The following BCKDHB variants were observed in gnomAD, a reference collection of about 807,000 sequenced individuals.
The protein encoded by BCKDHB is branched chain keto acid dehydrogenase E1 subunit beta.
Under a neutral mutation model 48.5 loss-of-function variants are expected in BCKDHB, and 41 were observed. The ratio of observed to expected loss-of-function variants is 0.85; its 90% CI spans 0.66 to 1.10. The LOEUF (loss-of-function observed/expected upper bound fraction) is 1.10, where lower values mean the gene tolerates loss of function less well. BCKDHB is among the 50% of genes least tolerant of loss of function. The pLI, the probability that BCKDHB is intolerant of heterozygous loss-of-function variation, is 0.00. For missense variants in BCKDHB, 496 were observed against 494.2 expected (o/e 1.00, Z -0.03); for synonymous variants, 201 against 174.8 (o/e 1.15, Z -1.18).
At chr6:80,152,569 A>C (rs1582242849) in intron 3 of BCKDHB, among the ~76,000 whole-genome samples, 1 of 152,200 alleles carries the variant, frequency 6.6e-6, no homozygotes, top group African/African-American at 2.4e-5. Context: ...CATTTGTTTC[A>C]TTCATGACAG....
chr6:80,299,367 T>C (rs1767431826), intron 9 of BCKDHB, among the ~76,000 whole-genome samples: 1 of 152,106 alleles, frequency 6.6e-6, no homozygotes, highest in Admixed American at 6.5e-5. Context: ...CAGAAAGATG[T>C]TACCAGACGC....
At chr6:80,381,571 C>T in the BCKDHB span, among the ~76,000 whole-genome samples, 9 of 152,040 alleles carry the variant, frequency 5.9e-5, no homozygotes, top group African/African-American at 2.2e-4. Context: ...AAATGTTTTC[C>T]TTTATCTGCA....
chr6:80,259,207 C>G (rs933286063), intron 8 of BCKDHB, among the ~76,000 whole-genome samples: 1 of 152,152 alleles, frequency 6.6e-6, no homozygotes, highest in African/African-American at 2.4e-5. Context: ...TCTTGAATGC[C>G]TTTCTTCAGC....
At chr6:80,412,269 G>A in the BCKDHB span, among the ~76,000 whole-genome samples, 21 of 150,372 alleles carry the variant, frequency 1.4e-4, no homozygotes, top group South Asian at 3.1e-3. Flanking sequence ...TCAGCCTCTT[G>A]AGTAGCTGGG....
chr6:80,130,819 A>G (rs956500409), intron 3 of BCKDHB, among the ~76,000 whole-genome samples: 4 of 152,210 alleles, frequency 2.6e-5, no homozygotes, highest in African/African-American at 9.6e-5. Flanking sequence ...ATATTAACTA[A>G]TATTTCAAAC....
At chr6:80,123,626 T>C (rs915958341) in intron 1 of BCKDHB, among the ~76,000 whole-genome samples, 10 of 152,132 alleles carry the variant, frequency 6.6e-5, no homozygotes, top group Non-Finnish European at 1.3e-4. Context: ...CTTGGGAGGG[T>C]GTATGTGTCC....
intron 8 of BCKDHB, among the ~76,000 whole-genome samples, chr6:80,221,429 A>T (rs1775447842): frequency 6.6e-6 from 1 of 152,242 alleles, no homozygotes; most frequent in East Asian, 1.9e-4. Context: ...TGAACTGGAA[A>T]GTTTTCTCTA....
At chr6:80,392,730 A>G in the BCKDHB span, among the ~76,000 whole-genome samples, 1 of 151,716 alleles carries the variant, frequency 6.6e-6, no homozygotes, top group South Asian at 2.1e-4. Flanking sequence ...ATATAATTAC[A>G]TTTTTAAATT....
intron 1 of BCKDHB, among the ~76,000 whole-genome samples, chr6:80,108,559 T>A (rs1294402423): frequency 5.8e-5 from 8 of 137,408 alleles, no homozygotes; most frequent in African/African-American, 8.2e-5. Flanking sequence ...GGATAAAAAG[T>A]AAAAAAAAAA....
At chr6:80,180,808 G>A (rs1010948883) in intron 6 of BCKDHB, among the ~76,000 whole-genome samples, 3 of 152,126 alleles carry the variant, frequency 2.0e-5, no homozygotes, top group Non-Finnish European at 4.4e-5. Flanking sequence ...TTAATATTTT[G>A]TATTTTACAT....
chr6:80,358,802 C>T, the BCKDHB span, among the ~76,000 whole-genome samples: 1 of 152,126 alleles, frequency 6.6e-6, no homozygotes, highest in East Asian at 1.9e-4. Context: ...GTGGTGGCTG[C>T]AAAACATTAC....
chr6:80,351,836 T>C, the BCKDHB span, among the ~76,000 whole-genome samples: 1 of 150,862 alleles, frequency 6.6e-6, no homozygotes, highest in Non-Finnish European at 1.5e-5. Context: ...TTTTTTTTTT[T>C]TTGAGACGGA....
chr6:80,168,405 GA>G (rs1216173504), intron 4 of BCKDHB, among the ~76,000 whole-genome samples: 2 of 98,880 alleles, frequency 2.0e-5, no homozygotes, highest in African/African-American at 7.6e-5. Context: ...AGAAAGAAGG[GA>G]AGGGAGGGAG....
At chr6:80,176,898 T>A (rs1177124963) in intron 6 of BCKDHB, among the ~76,000 whole-genome samples, 1 of 152,130 alleles carries the variant, frequency 6.6e-6, no homozygotes, top group Non-Finnish European at 1.5e-5. Flanking sequence ...TAAACCCATG[T>A]AGACTTTAAA....
rs9341811 is a variant in BCKDHB at position 80,272,984 on chromosome 6, G to A, written c.952-151G>A. On this transcript the variant is annotated intron_variant, in intron 8 of 9. Transcript: ENST00000320393. ...ATCAGATGACTGACCTGTCGAAAGC[G>A]AGTTGTAACTTATTGGCATACAATT... 0.44 allele frequency: 293,406 copies of A among 669,184 alleles called. 68,164 individuals are homozygous for A. The highest frequency in any genetic ancestry group is 0.6 in the Admixed American group (23,810 of 39,996). 41.5% of individuals were successfully genotyped at this position (669,184 alleles called of 1,614,324 possible). A position where few individuals can be genotyped will look rare whatever the true frequency, so the allele number is the denominator to read the frequency against.
chr6:80,223,567 G>T (rs1409958939), intron 8 of BCKDHB, among the ~76,000 whole-genome samples: 1 of 151,732 alleles, frequency 6.6e-6, no homozygotes, highest in African/African-American at 2.4e-5. Flanking sequence ...AATTTTTCTG[G>T]TAGAAGCCTT....
intron 8 of BCKDHB, among the ~76,000 whole-genome samples, chr6:80,241,177 C>G (rs1776372042): frequency 6.6e-6 from 1 of 152,066 alleles, no homozygotes; most frequent in African/African-American, 2.4e-5. Flanking sequence ...TTTTAGCTTC[C>G]TTGCGATGGA....
intron 8 of BCKDHB, among the ~76,000 whole-genome samples, chr6:80,226,432 T>A (rs1437373312): frequency 6.6e-6 from 1 of 152,238 alleles, no homozygotes; most frequent in Non-Finnish European, 1.5e-5. Flanking sequence ...ATTGTCTTGT[T>A]GGACTGAAGC....
chr6:80,370,187 A>G, the BCKDHB span, among the ~76,000 whole-genome samples: 1 of 152,168 alleles, frequency 6.6e-6, no homozygotes, highest in African/African-American at 2.4e-5. Context: ...GGACAATATA[A>G]CATAGTACAT....
Sources: gnomAD v4.1 joint callset for allele counts (sites outside exome capture counted in the v4.1 genomes callset) on GRCh38, gnomAD v4.1.1 for gene constraint, MANE v1.5 for transcripts, NCBI Gene and HGNC (gene_info 2026-07-23, HGNC 2026-07-21) for gene names.